The following SRCIN1 variants were observed in gnomAD, a reference collection of about 807,000 sequenced individuals.
SRCIN1 encodes the protein P130Cas-associated protein.
In SRCIN1, 50 loss-of-function variants were observed where a neutral mutation model predicts 116.2. The ratio of observed to expected loss-of-function variants is 0.43; its 90% confidence interval spans 0.34 to 0.54. The LOEUF (loss-of-function observed/expected upper bound fraction) is 0.54. Ranked by LOEUF, SRCIN1 falls within the 20% of genes least tolerant of loss-of-function variation. SRCIN1 has a pLI of 0.02. For missense variants in SRCIN1, 1,446 were observed against 1,672.0 expected (o/e 0.86, Z 2.36); for synonymous variants, 736 against 750.0 (o/e 0.98, Z 0.30).
chr17:38,564,390 A>T, intron 3 of SRCIN1, 77 bp from the exon 4 acceptor site: 1 of 1,400,720 alleles, frequency 7.1e-7, no homozygotes, highest in Non-Finnish European at 9.4e-7. Context: ...GCCCATATCC[A>T]GGCCTGGGAA....
rs1905927369 is a variant in SRCIN1 at position 38,558,184 on chromosome 17, A to G, written c.2201+43T>C. 3 of 1,598,654 alleles carry G rather than the reference A, an allele frequency of 1.9e-6. No individual in the cohort carries two copies. The highest frequency in any genetic ancestry group is 2.6e-6 in the Non-Finnish European group (3 of 1,171,064). On this transcript the variant is annotated intron_variant, in intron 11 of 18. Transcript: ENST00000617146. This position sits in a 1 kb window ranked among gnomAD's most constrained non-coding sequence, Gnocchi z 4.6. ...GGGAAACCAGGTTGCGGGTCACTCC[A>G]GCCGCACCCCCACCCCTCCCTCCGC...
intron 2 of SRCIN1, among the ~76,000 whole-genome samples, chr17:38,578,264 GTCTGGGGGCCAAGC>G (rs1644924144): frequency 1.3e-5 from 2 of 152,218 alleles, no homozygotes; most frequent in Admixed American, 1.3e-4. Context: ...GCAGGCAGAG[GTCTGGGGGCCAAGC>G]CCCCACCCCC....
intron 18 of SRCIN1, 21 bp from the exon 19 acceptor site, chr17:38,533,452 A>T (rs2040953837): frequency 1.9e-6 from 3 of 1,610,872 alleles, no homozygotes; most frequent in Non-Finnish European, 2.5e-6. Context: ...AACAGGGGTC[A>T]GGGGTCAGAG....
chr17:38,534,756 A>C (rs939404655), intron 18 of SRCIN1, among the ~76,000 whole-genome samples: 2 of 152,174 alleles, frequency 1.3e-5, no homozygotes. Flanking sequence ...TTACAGGTGC[A>C]CAGATGGTTG....
intron 18 of SRCIN1, 143 bp downstream of exon 18, chr17:38,543,679 TG>T: frequency 8.4e-7 from 1 of 1,192,272 alleles, no homozygotes; most frequent in Non-Finnish European, 1.1e-6. Flanking sequence ...AGGGGGTGGG[TG>T]GGGCAGTCCT....
In SRCIN1 at chr17:38,563,849, G is replaced by A. The variant is rs1030926716; in HGVS notation, c.541+269C>T. 6.5e-6 allele frequency: 4 copies of A among 614,508 alleles called. No individual in the cohort carries two copies. Among genetic ancestry groups the A allele is most frequent in the Non-Finnish European group, 1.2e-5 (4 of 347,168 alleles). The allele number at this position is 614,508 out of a possible 1,614,324, so 38.1% of individuals were successfully genotyped here. A position where few individuals can be genotyped will look rare whatever the true frequency, so the allele number is the denominator to read the frequency against. On this transcript the variant is annotated intron_variant, in intron 4 of 18. Coordinates refer to ENST00000617146, the MANE Select transcript of SRCIN1 (RefSeq NM_025248.3). This position sits in a 1 kb window ranked among gnomAD's most constrained non-coding sequence, Gnocchi z 5.8. ...AGAGGTTGGAGAGAGTTAGAGAAGGGAGATGGGAGAGAAGGGAGGGATGAA... is the reference window on the plus strand; with the variant it reads ...AGAGGTTGGAGAGAGTTAGAGAAGGAAGATGGGAGAGAAGGGAGGGATGAA...
intron 10 of SRCIN1, chr17:38,559,258 G>A (rs1906029244): frequency 2.1e-6 from 1 of 472,338 alleles, no homozygotes; most frequent in African/African-American, 2.1e-5. Context: ...ACTGCCCCGA[G>A]GGATACTGAC....
At position 38,544,989 on chromosome 17, in the gene SRCIN1, C is replaced by T. The variant is rs1289106299; in HGVS notation, c.3271-1020G>A. ...GGAGCGTCTCCTCCAAGCTGTCCATCTGCTGGGCAGTGGCGCCCCACGTGG... is the reference window on the plus strand; with the variant it reads ...GGAGCGTCTCCTCCAAGCTGTCCATTTGCTGGGCAGTGGCGCCCCACGTGG... On this transcript the variant is annotated intron_variant, in intron 17 of 18. Coordinates refer to ENST00000617146, the MANE Select transcript of SRCIN1 (RefSeq NM_025248.3). This position sits in a 1 kb window ranked among gnomAD's most constrained non-coding sequence, Gnocchi z 4.5. 1 of 152,712 alleles carries T rather than the reference C, an allele frequency of 6.5e-6. No homozygotes were observed. The highest frequency in any genetic ancestry group is 2.4e-5 in the African/African-American group (1 of 41,432). 9.5% of individuals were successfully genotyped at this position (152,712 alleles called of 1,614,324 possible). A position where few individuals can be genotyped will look rare whatever the true frequency, so the allele number is the denominator to read the frequency against.
Position 38,558,323 on chromosome 17 carries a change from C to A in SRCIN1, c.2105G>T (p.Arg702Leu). The change falls in exon 11 of 19, where the codon CGG (arginine) becomes CTG (leucine). Residue 702 changes from arginine to leucine, a missense_variant. Around this residue, in one of 5 missense-constraint regions of SRCIN1, gnomAD observed 398 missense variants for 385.6 expected, o/e 1.03. Coordinates refer to ENST00000617146, the MANE Select transcript of SRCIN1 (RefSeq NM_025248.3). This position sits in a 1 kb window ranked among gnomAD's most constrained non-coding sequence, Gnocchi z 4.6. ...ELSMRVSEAARRQEDPLQRQR... is the reference protein window; with the variant it reads ...ELSMRVSEAALRQEDPLQRQR... ...CCGCTGCAGCGGGTCCTCCTGCCGCCGCGCCGCCTCCGACACGCGCATGCT... is the reference window on the plus strand; with the variant it reads ...CCGCTGCAGCGGGTCCTCCTGCCGCAGCGCCGCCTCCGACACGCGCATGCT... 1 of 1,610,594 alleles carries A rather than the reference C, an allele frequency of 6.2e-7. No individual in the cohort carries two copies. Among genetic ancestry groups the A allele is most frequent in the Non-Finnish European group, 8.5e-7 (1 of 1,179,554 alleles).
chr17:38,566,538 G>A (rs1481819198), intron 3 of SRCIN1, among the ~76,000 whole-genome samples: 1 of 152,192 alleles, frequency 6.6e-6, no homozygotes, highest in Non-Finnish European at 1.5e-5. Context: ...GGTAGAGAGC[G>A]CCTATCACCA....
intron 1 of SRCIN1, among the ~76,000 whole-genome samples, chr17:38,603,061 A>T (rs1229056999): frequency 6.6e-5 from 10 of 152,166 alleles, no homozygotes; most frequent in Non-Finnish European, 1.2e-4. Flanking sequence ...GATGGCAGCC[A>T]TGCCACCCCC....
chr17:38,592,665 A>G (rs1951917042), intron 1 of SRCIN1, among the ~76,000 whole-genome samples: 2 of 152,218 alleles, frequency 1.3e-5, no homozygotes, highest in Admixed American at 6.5e-5. Context: ...TGTGTAAAGT[A>G]TCTAGCACAG....
chr17:38,584,525 G>A (rs141931493), intron 1 of SRCIN1, among the ~76,000 whole-genome samples: 91 of 152,328 alleles, frequency 6.0e-4, no homozygotes, highest in Admixed American at 2.2e-3. Flanking sequence ...GGGAAGTGGC[G>A]GGCGCCCCCC....
chr17:38,554,481 G>A (rs1297879560), intron 11 of SRCIN1, among the ~76,000 whole-genome samples: 1 of 151,936 alleles, frequency 6.6e-6, no homozygotes, highest in South Asian at 2.1e-4. Flanking sequence ...GCACACACAC[G>A]TGCTAACTCC....
intron 1 of SRCIN1, among the ~76,000 whole-genome samples, chr17:38,587,837 T>C (rs745357702): frequency 3.9e-5 from 6 of 152,134 alleles, no homozygotes; most frequent in Non-Finnish European, 8.8e-5. Context: ...GCATCCGAAC[T>C]GCACATTCAG....
At chr17:38,548,047 T>C (rs1418598630) in intron 17 of SRCIN1, among the ~76,000 whole-genome samples, 1 of 152,120 alleles carries the variant, frequency 6.6e-6, no homozygotes, top group East Asian at 1.9e-4. Context: ...TCTGCCCTCA[T>C]CTGGTCACCT....
At position 38,572,099 on chromosome 17, in the gene SRCIN1, G is replaced by C. The variant is rs906519273; in HGVS notation, c.325-3868C>G. On this transcript the variant is annotated intron_variant, in intron 2 of 18. Coordinates refer to ENST00000617146, the MANE Select transcript of SRCIN1 (RefSeq NM_025248.3). The surrounding 1 kb of genome is among the most constrained non-coding windows in gnomAD (Gnocchi z 4.3). The stretch of plus-strand genomic sequence containing the variant: ...TGACCCCTCCTTGACCTCAAGCCCT[G>C]ACCACGCACCTTCCAAGGAGGGAGG... 6.6e-6 allele frequency among the ~76,000 whole-genome samples: 1 copy of C among 152,030 alleles called. No homozygotes were observed. The highest frequency in any genetic ancestry group is 1.5e-5 in the Non-Finnish European group (1 of 68,012).
intron 18 of SRCIN1, among the ~76,000 whole-genome samples, chr17:38,533,814 C>T (rs938381526): frequency 6.8e-6 from 1 of 147,718 alleles, no homozygotes; most frequent in Admixed American, 6.8e-5. Flanking sequence ...GGGACAGGGG[C>T]ACAAGCCCTG....
chr17:38,601,984 G>A (rs1473119682), intron 1 of SRCIN1, among the ~76,000 whole-genome samples: 2 of 152,120 alleles, frequency 1.3e-5, no homozygotes, highest in African/African-American at 2.4e-5. Context: ...CGGGAGGGGA[G>A]GAATGGGAAG....
Sources: allele counts gnomAD v4.1 joint callset (sites outside exome capture counted in the v4.1 genomes callset), GRCh38; gene constraint gnomAD v4.1.1; regional missense constraint gnomAD v4.1.1; non-coding constraint Gnocchi (gnomAD v3.1); transcripts MANE v1.5; gene names NCBI Gene and HGNC (gene_info 2026-07-23, HGNC 2026-07-21).